Variants in PRR14L observed in about 807,000 individuals in gnomAD.
The protein encoded by PRR14L is protein PRR14L.
A neutral mutation model predicts 155.0 loss-of-function variants in PRR14L; 80 were observed. That is an observed-to-expected ratio of 0.52 (90% CI 0.43 to 0.62). PRR14L has a LOEUF of 0.62. Among genes scored for constraint, PRR14L ranks in the 20% least tolerant of loss-of-function variants. The pLI is 0.00. For synonymous variants in PRR14L, 883 were observed against 916.0 expected (o/e 0.96, Z 0.65); for missense variants, 2,469 against 2,548.0 (o/e 0.97, Z 0.67).
intron 1 of PRR14L, among the ~76,000 whole-genome samples, chr22:31,743,992 C>G (rs1448132492): frequency 2.0e-5 from 3 of 150,856 alleles, no homozygotes; most frequent in South Asian, 2.1e-4. Flanking sequence ...AAATAAGACG[C>G]CCTCAGCAAA....
At chr22:31,694,234 G>C (rs747524508) in intron 7 of PRR14L, among the ~76,000 whole-genome samples, 2 of 152,212 alleles carry the variant, frequency 1.3e-5, no homozygotes, top group Non-Finnish European at 2.9e-5. Context: ...CCAAGATCGT[G>C]CCACTGCACT....
chr22:31,748,384 A>C (rs182092976), intron 1 of PRR14L, among the ~76,000 whole-genome samples: 1 of 152,256 alleles, frequency 6.6e-6, no homozygotes, highest in African/African-American at 2.4e-5. Flanking sequence ...ATCAAGGACT[A>C]TTTCCCATTT....
rs1413091587 is a variant in PRR14L at position 31,684,820 on chromosome 22, C to T, written c.*707G>A. 1 of 151,976 alleles carries T rather than the reference C, an allele frequency of 6.6e-6. No homozygotes were observed. Among genetic ancestry groups the T allele is most frequent in the East Asian group, 1.9e-4 (1 of 5,194 alleles). The allele number at this position is 151,976 out of a possible 1,614,324, so 9.4% of individuals were successfully genotyped here. The stretch of plus-strand genomic sequence containing the variant: ...AGCAATAATAGTACAAAAACAACAA[C>T]AAAAAAGAAAATAAAACAAATGAAA... On this transcript the variant is annotated 3_prime_UTR_variant, in exon 9 of 9. Coordinates refer to ENST00000327423, the MANE Select transcript of PRR14L (RefSeq NM_173566.3).
Position 31,685,241 on chromosome 22 carries a change from G to C in PRR14L, c.*286C>G. 3.1e-6 allele frequency: 1 copy of C among 319,206 alleles called. No individual in the cohort carries two copies. The highest frequency in any genetic ancestry group is 5.8e-6 in the Non-Finnish European group (1 of 173,248). 19.8% of individuals were successfully genotyped at this position (319,206 alleles called of 1,614,324 possible). On this transcript the variant is annotated 3_prime_UTR_variant, in exon 9 of 9. Transcript: ENST00000327423. ...GCTGCTTCCTCCTGTGGATGGCAGA[G>C]ACTGAGGAGGTGGCTGGATGTCGTT... is the stretch of plus-strand genomic sequence containing the variant.
At chr22:31,703,866 C>T (rs1295873169) in intron 5 of PRR14L, 145 bp from the exon 6 acceptor site, 7 of 509,830 alleles carry the variant, frequency 1.4e-5, no homozygotes, top group Admixed American at 1.1e-4. Context: ...GGTACGATCT[C>T]GGCTCAATGC....
In PRR14L at chr22:31,715,255, C is replaced by A; in HGVS notation, c.2584G>T (p.Glu862Ter). The A allele has an allele frequency of 6.4e-7, 1 of 1,552,338 alleles. No individual in the cohort carries two copies. The highest frequency in any genetic ancestry group is 8.7e-7 in the Non-Finnish European group (1 of 1,147,146). Reference protein sequence around the residue: ...TSQERELDGKETNGSLPGDKI... With the variant: ...TSQERELDGK ...TCTCCTGGAAGGCTGCCATTCGTTT[C>A]TTTCCCATCAAGTTCCCTTTCCTGT... Residue 862 changes from glutamate (E) to a stop codon, truncating the protein, a stop_gained, in exon 4 of 9, where the codon GAA (glutamate) becomes TAA (stop). Transcript: ENST00000327423. LOFTEE classifies it high-confidence loss of function.
rs1273613705 is a variant in PRR14L, at chr22:31,713,184, C to A, written c.4655G>T (p.Ser1552Ile). 7.1e-6 allele frequency: 11 copies of A among 1,551,744 alleles called. No homozygotes were observed. Among genetic ancestry groups the A allele is most frequent in the Non-Finnish European group, 7.8e-6 (9 of 1,147,026 alleles). The change falls in exon 4 of 9, where the codon AGT becomes ATT. Residue 1552 changes from serine (S) to isoleucine (I), a missense_variant. Around this residue, in one of 2 missense-constraint regions of PRR14L, gnomAD observed 2,363 missense variants for 2,371.6 expected, o/e 1.00. Transcript: ENST00000327423. ...TTTTGTGGGGATGGGATTGGAAGAA[C>A]TCTTTAAAAAGGCAGAACTTCTGAT... Reference protein sequence around the residue: ...GKIRSSAFLKSSSNPIPTKAH... With the variant: ...GKIRSSAFLKISSNPIPTKAH...
At chr22:31,704,333 G>A (rs1383830086) in intron 5 of PRR14L, 1 of 215,992 alleles carries the variant, frequency 4.6e-6, no homozygotes, top group Non-Finnish European at 9.2e-6. Flanking sequence ...ACAGTACTCA[G>A]ATAAGATCAA....
intron 1 of PRR14L, among the ~76,000 whole-genome samples, chr22:31,748,055 T>C (rs1280354551): frequency 6.6e-6 from 1 of 150,598 alleles, no homozygotes; most frequent in Admixed American, 6.6e-5. Flanking sequence ...CCCCTCCCTT[T>C]AATTCCAATG....
rs1332006583 is a variant in PRR14L at position 31,738,761 on chromosome 22, T to C, written c.100A>G (p.Arg34Gly). The change falls in exon 2 of 9, where the codon AGA (arginine) becomes GGA (glycine). Residue 34 changes from arginine (R) to glycine (G), a missense_variant. Arg to Gly is a moderately radical substitution (Grantham distance 125). Transcript: ENST00000327423. Reference protein sequence around the residue: ...LYSELPVSVSRELHADPEPSV... With the variant: ...LYSELPVSVSGELHADPEPSV... ...GGCTCAGGGTCAGCATGAAGCTCTCTGGAGACACTTACTGGGAGTTCAGAG... is the reference window on the plus strand; with the variant it reads ...GGCTCAGGGTCAGCATGAAGCTCTCCGGAGACACTTACTGGGAGTTCAGAG... 1 of 1,551,968 alleles carries C rather than the reference T, an allele frequency of 6.4e-7. No individual in the cohort carries two copies. The highest frequency in any genetic ancestry group is 8.7e-7 in the Non-Finnish European group (1 of 1,147,044).
chr22:31,702,958 G>A (rs144582180), intron 6 of PRR14L, among the ~76,000 whole-genome samples: 2,265 of 152,038 alleles, frequency 0.015, 57 homozygotes, highest in African/African-American at 0.053. Flanking sequence ...TGGGACTGCA[G>A]GTGTGCACCA....
chr22:31,681,782 T>A lies in PRR14L; in HGVS notation c.*3745A>T, dbSNP rs1342639873. On this transcript the variant is annotated 3_prime_UTR_variant, in exon 9 of 9. Transcript: ENST00000327423. ...TAAAATTAAATCTCCCTAGCCAGGT[T>A]TTTATACAGTAAGTTCAGTTGTGGC... The A allele has an allele frequency of 1.3e-5, 2 of 152,144 alleles. No individual in the cohort carries two copies. The highest frequency in any genetic ancestry group is 2.9e-5 in the Non-Finnish European group (2 of 68,042). 9.4% of individuals were successfully genotyped at this position (152,144 alleles called of 1,614,324 possible).
At chr22:31,718,290 T>C (rs535971349) in intron 3 of PRR14L, among the ~76,000 whole-genome samples, 2 of 142,824 alleles carry the variant, frequency 1.4e-5, no homozygotes, top group East Asian at 2.1e-4. Flanking sequence ...GAGTCTTGCT[T>C]TGTCGCCCAG....
chr22:31,713,290 G>A lies in PRR14L; in HGVS notation c.4549C>T (p.Pro1517Ser), dbSNP rs1401752323. ...GTTCGATGGGGCTGCTTCTTTAAGG[G>A]AAGAACTCCTTTCTTCGCAAAGGCA... ...HGAFAKKGVL[P>S]LKKQPHRTCK... The change falls in exon 4 of 9, where the codon CCC becomes TCC. Residue 1517 changes from proline to serine, a missense_variant. Pro to Ser is a moderately conservative substitution (Grantham distance 74, BLOSUM62 -1). Coordinates refer to ENST00000327423, the MANE Select transcript of PRR14L (RefSeq NM_173566.3). The A allele has an allele frequency of 1.3e-6, 2 of 1,552,238 alleles. No individual in the cohort carries two copies. The highest frequency in any genetic ancestry group is 1.7e-4 in the Middle Eastern group (1 of 5,998).
At chr22:31,709,643 C>T (rs1000489879) in intron 4 of PRR14L, among the ~76,000 whole-genome samples, 5 of 147,472 alleles carry the variant, frequency 3.4e-5, no homozygotes, top group African/African-American at 1.0e-4. Flanking sequence ...TGGATTCAAG[C>T]GATTCTCCTG....
intron 7 of PRR14L, among the ~76,000 whole-genome samples, chr22:31,695,379 C>T (rs1473913662): frequency 6.6e-6 from 1 of 152,048 alleles, no homozygotes; most frequent in Non-Finnish European, 1.5e-5. Flanking sequence ...GTTTGGTGAG[C>T]TTTTTTTCTT....
chr22:31,749,070 G>C (rs1023217905), intron 1 of PRR14L, among the ~76,000 whole-genome samples: 1 of 152,182 alleles, frequency 6.6e-6, no homozygotes, highest in Non-Finnish European at 1.5e-5. Context: ...TTAAGTAATA[G>C]TAATAGCAAC....
chr22:31,739,449 A>G (rs1161093520), intron 1 of PRR14L, among the ~76,000 whole-genome samples: 1 of 152,202 alleles, frequency 6.6e-6, no homozygotes, highest in Non-Finnish European at 1.5e-5. Flanking sequence ...ACTGCTTACT[A>G]AATACTTCAG....
chr22:31,712,669 T>G lies in PRR14L; in HGVS notation c.5170A>C (p.Lys1724Gln). The change falls in exon 4 of 9, where the codon AAA becomes CAA. Residue 1724 changes from lysine (K) to glutamine (Q), a missense_variant. This residue lies in a region of PRR14L where 2,363 missense variants were observed against 2,371.6 expected (regional missense o/e 1.00). Coordinates refer to ENST00000327423, the MANE Select transcript of PRR14L (RefSeq NM_173566.3). ...GTCGTGCAATCTGAGCTGGATGATT[T>G]CACATGAAAGGATACTGGGAAGATT... ...SEIFPVSFHV[K>Q]SSSSDCTTES... 6.4e-7 allele frequency: 1 copy of G among 1,551,716 alleles called. No homozygotes were observed. Among genetic ancestry groups the G allele is most frequent in the South Asian group, 1.2e-5 (1 of 84,062 alleles).
Sources: allele counts gnomAD v4.1 joint callset (sites outside exome capture counted in the v4.1 genomes callset), GRCh38; gene constraint gnomAD v4.1.1; regional missense constraint gnomAD v4.1.1; transcripts MANE v1.5; gene names NCBI Gene and HGNC (gene_info 2026-07-23, HGNC 2026-07-21).